COL4A5: variants seen among roughly 807,000 people sequenced by gnomAD.
COL4A5 encodes the protein collagen type IV alpha 5 chain.
A neutral mutation model predicts 130.2 loss-of-function variants in COL4A5; 26 were observed. That is an observed-to-expected ratio of 0.20 (90% CI 0.15 to 0.28). The LOEUF (loss-of-function observed/expected upper bound fraction) is 0.28, where lower values mean the gene tolerates loss of function less well. Among genes scored for constraint, COL4A5 ranks in the 10% least tolerant of loss-of-function variants. The pLI is 1.00. For missense variants in COL4A5, 1,131 were observed against 1,344.3 expected (o/e 0.84, Z 2.48); for synonymous variants, 496 against 439.6 (o/e 1.13, Z -1.60).
intron 1 of COL4A5, among the ~76,000 whole-genome samples, chrX:108,495,219 C>A (rs1398578167): frequency 9.1e-6 from 1 of 110,086 alleles, no homozygotes; most frequent in Non-Finnish European, 1.9e-5. Context: ...AAAGTTAACT[C>A]AGAATGGATC....
intron 24 of COL4A5, among the ~76,000 whole-genome samples, chrX:108,598,325 A>C (rs183276870): frequency 1.3e-3 from 148 of 112,488 alleles, no homozygotes; most frequent in Middle Eastern, 4.6e-3. Context: ...GAAAGATTTA[A>C]CATAAATGAA....
chrX:108,626,481 C>T (rs1217796364), intron 36 of COL4A5, 132 bp downstream of exon 36: 3 of 1,160,055 alleles, frequency 2.6e-6, no homozygotes, highest in South Asian at 1.9e-5. Context: ...AGATTTATTC[C>T]TTTTCTTTTC....
intron 4 of COL4A5, among the ~76,000 whole-genome samples, chrX:108,568,298 C>T (rs147073671): frequency 1.8e-5 from 2 of 111,369 alleles, no homozygotes; most frequent in Admixed American, 9.5e-5. Flanking sequence ...CTCCCCCATC[C>T]CCTGCTGAAT....
intron 19 of COL4A5, among the ~76,000 whole-genome samples, chrX:108,590,803 G>A (rs2066419779): frequency 9.0e-6 from 1 of 111,481 alleles, no homozygotes; most frequent in Non-Finnish European, 1.9e-5. Flanking sequence ...AGAACAGATT[G>A]TCAAAGGATG....
Position 108,539,184 on chromosome X carries a change from A to T in COL4A5, c.82-562A>T, listed in dbSNP as rs945089204. ...AATTTTTTACAAGCAATGTTAGAAG[A>T]AAAAAAGGAGAGTTCCTGAGAGTTT... On this transcript the variant is annotated intron_variant, in intron 1 of 52. Coordinates refer to ENST00000328300, the MANE Select transcript of COL4A5 (RefSeq NM_033380.3). Among the ~76,000 whole-genome samples, 6 of 93,869 alleles carry T rather than the reference A, an allele frequency of 6.4e-5. No individual in the cohort carries two copies. In the East Asian group the frequency reaches 2.2e-3, roughly 35 times the overall value. 81.5% of individuals were successfully genotyped at this position (93,869 alleles called of 115,157 possible).
intron 37 of COL4A5, among the ~76,000 whole-genome samples, chrX:108,659,807 G>A (rs1027107455): frequency 4.5e-5 from 5 of 110,878 alleles, no homozygotes; most frequent in Middle Eastern, 4.7e-3. Context: ...GGAATAAAAT[G>A]CATTCATATC....
At chrX:108,657,791 G>A (rs1322221262) in intron 37 of COL4A5, among the ~76,000 whole-genome samples, 3 of 111,293 alleles carry the variant, frequency 2.7e-5, no homozygotes, top group Non-Finnish European at 5.7e-5. Flanking sequence ...TTTCTTGGAA[G>A]TATATGGAAA....
intron 43 of COL4A5, 96 bp from the exon 44 acceptor site, chrX:108,677,404 A>G: frequency 1.9e-5 from 17 of 877,815 alleles, no homozygotes; most frequent in Non-Finnish European, 2.2e-5. Flanking sequence ...TTTATTCTGC[A>G]AACTAATAGG....
intron 1 of COL4A5, among the ~76,000 whole-genome samples, chrX:108,533,270 A>G (rs758919324): frequency 1.8e-5 from 2 of 111,985 alleles, no homozygotes; most frequent in South Asian, 7.4e-4. Context: ...ACAAGAGCTT[A>G]CACTGGGGAA....
chrX:108,598,493 G>A lies in COL4A5; in HGVS notation c.1780-209G>A, dbSNP rs2066562450. Among the ~76,000 whole-genome samples the A allele has an allele frequency of 2.7e-5, 3 of 111,914 alleles. No homozygotes were observed. The Admixed American group carries it at 2.8e-4, about 11-fold the overall frequency. ...ATTTTTGTTTTCTGTTGTATCACCA[G>A]CACTTGACACATAGTAGGAGCCCAA... On this transcript the variant is annotated intron_variant, in intron 24 of 52. Coordinates refer to ENST00000328300, the MANE Select transcript of COL4A5 (RefSeq NM_033380.3).
chrX:108,615,135 AATCT>A (rs1342670967), intron 30 of COL4A5, 111 bp downstream of exon 30: 9 of 560,499 alleles, frequency 1.6e-5, no homozygotes, highest in African/African-American at 2.3e-5. Flanking sequence ...CTTAAAAGGC[AATCT>A]ATCTATGTGT....
At chrX:108,591,738 G>T in intron 21 of COL4A5, 94 bp downstream of exon 21, 1 of 688,866 alleles carries the variant, frequency 1.5e-6, no homozygotes, top group Non-Finnish European at 2.3e-6. Context: ...CTTAGCCACT[G>T]ACTCCCATGG....
Position 108,537,918 on chromosome X carries a change from C to T in COL4A5, c.82-1828C>T, listed in dbSNP as rs1412862791. ...TCAGTATCTTCTTGTGAAACGGTAT[C>T]TTCTAAATTTTATAAAATCCATAGT... On this transcript the variant is annotated intron_variant, in intron 1 of 52. Coordinates refer to ENST00000328300, the MANE Select transcript of COL4A5 (RefSeq NM_033380.3). Among the ~76,000 whole-genome samples, 5 of 111,823 alleles carry T rather than the reference C, an allele frequency of 4.5e-5. No individual in the cohort carries two copies. The East Asian group carries it at 1.4e-3, about 31-fold the overall frequency.
At chrX:108,531,894 T>C (rs2065390685) in intron 1 of COL4A5, among the ~76,000 whole-genome samples, 1 of 111,211 alleles carries the variant, frequency 9.0e-6, no homozygotes, top group South Asian at 3.7e-4. Context: ...CAGGAAGAAA[T>C]AGAAAACCTG....
chrX:108,652,008 A>T lies in COL4A5; in HGVS notation c.3247-3323A>T, dbSNP rs1448411700. Among the ~76,000 whole-genome samples, 3 of 111,869 alleles carry T rather than the reference A, an allele frequency of 2.7e-5. No homozygotes were observed. The Admixed American group carries it at 2.8e-4, about 11-fold the overall frequency. On this transcript the variant is annotated intron_variant, in intron 36 of 52. Coordinates refer to ENST00000328300, the MANE Select transcript of COL4A5 (RefSeq NM_033380.3). The stretch of plus-strand genomic sequence containing the variant: ...GATGAGTAAGTTTTACAGATCTGTT[A>T]TACAATATGGTGCCTACAGTTGACA...
Position 108,526,404 on chromosome X carries a change from G to T in COL4A5, c.82-13342G>T, listed in dbSNP as rs888372378. On this transcript the variant is annotated intron_variant, in intron 1 of 52. Coordinates refer to ENST00000328300, the MANE Select transcript of COL4A5 (RefSeq NM_033380.3). ...TTTGCTAGGGAGATGGTCCACAGAG[G>T]TCCTCACACTGCCATTCACAAAGTC... 2.5e-4 allele frequency among the ~76,000 whole-genome samples: 28 copies of T among 111,590 alleles called. No individual in the cohort carries two copies. In the Admixed American group the frequency reaches 2.6e-3, roughly 10 times the overall value.
intron 34 of COL4A5, among the ~76,000 whole-genome samples, chrX:108,624,890 T>A (rs966444855): frequency 8.1e-5 from 9 of 111,346 alleles, no homozygotes; most frequent in Non-Finnish European, 1.7e-4. Context: ...CTTCAGCCAC[T>A]TTCTTTTAGT....
At chrX:108,630,597 C>A (rs1339262786) in intron 36 of COL4A5, among the ~76,000 whole-genome samples, 1 of 111,850 alleles carries the variant, frequency 8.9e-6, no homozygotes, top group Non-Finnish European at 1.9e-5. Flanking sequence ...TTCTCCCATT[C>A]TGTGGGTTGC....
Position 108,591,939 on chromosome X carries a change from C to T in COL4A5, c.1423+295C>T, listed in dbSNP as rs942139563. 3.6e-5 allele frequency among the ~76,000 whole-genome samples: 4 copies of T among 111,551 alleles called. No individual in the cohort carries two copies. The East Asian group carries it at 8.4e-4, about 24-fold the overall frequency. On this transcript the variant is annotated intron_variant, in intron 21 of 52. Coordinates refer to ENST00000328300, the MANE Select transcript of COL4A5 (RefSeq NM_033380.3). ...TTAACTTTTTGATGTCCTTTCTTCCCTCTTAACCTTGCTTAAGTTCCATTA... is the reference window on the plus strand; with the variant it reads ...TTAACTTTTTGATGTCCTTTCTTCCTTCTTAACCTTGCTTAAGTTCCATTA...
Sources: gnomAD v4.1 joint callset for allele counts (sites outside exome capture counted in the v4.1 genomes callset) on GRCh38, gnomAD v4.1.1 for gene constraint, MANE v1.5 for transcripts, NCBI Gene and HGNC (gene_info 2026-07-23, HGNC 2026-07-21) for gene names.